TERB2: variants seen among roughly 807,000 people sequenced by gnomAD.
The protein encoded by TERB2 is telomere repeat binding bouquet formation protein 2.
TERB2 carries 26 observed loss-of-function variants against 29.8 expected under a neutral mutation model. The observed-to-expected ratio is 0.87, with a 90% CI of 0.64 to 1.21. The LOEUF (loss-of-function observed/expected upper bound fraction) is 1.21, where lower values mean the gene tolerates loss of function less well. Ranked by LOEUF, TERB2 falls within the 50% of genes most tolerant of loss-of-function variation. The pLI, the probability that TERB2 is intolerant of heterozygous loss-of-function variation, is 0.00. For missense variants in TERB2, 240 were observed against 268.6 expected (o/e 0.89, Z 0.74); for synonymous variants, 80 against 90.8 (o/e 0.88, Z 0.68).
intron 5 of TERB2, among the ~76,000 whole-genome samples, chr15:44,966,683 C>T (rs182739302): frequency 6.6e-6 from 1 of 152,130 alleles, no homozygotes; most frequent in Non-Finnish European, 1.5e-5. Flanking sequence ...ACAAAAGAAT[C>T]TTAAAATATA....
intron 5 of TERB2, among the ~76,000 whole-genome samples, chr15:44,971,661 A>G (rs1016425334): frequency 1.2e-4 from 19 of 152,198 alleles, no homozygotes; most frequent in Non-Finnish European, 2.4e-4. Context: ...AGGCTGAGGC[A>G]GGAAAATGGC....
chr15:44,970,308 A>G (rs1016757811), intron 5 of TERB2: 8 of 259,738 alleles, frequency 3.1e-5, no homozygotes, highest in African/African-American at 1.3e-4. Context: ...AGTATAAAAA[A>G]GAACTTTGCC....
At chr15:44,972,846 A>AT (rs977616866) in intron 5 of TERB2, among the ~76,000 whole-genome samples, 21 of 149,972 alleles carry the variant, frequency 1.4e-4, no homozygotes, top group African/African-American at 4.9e-4. Context: ...AAGAATATAC[A>AT]TTTTTTTAGA....
At chr15:44,958,195 C>A (rs569329758) in intron 2 of TERB2, among the ~76,000 whole-genome samples, 178 bp from the exon 3 acceptor site, 3 of 152,256 alleles carry the variant, frequency 2.0e-5, no homozygotes, top group Admixed American at 2.0e-4. Context: ...CAGATATAGG[C>A]CCCCAGAAAA....
chr15:44,978,588 T>A lies in TERB2; in HGVS notation c.623T>A (p.Ile208Asn), dbSNP rs1892079182. 5 of 1,606,890 alleles carry A rather than the reference T, an allele frequency of 3.1e-6. No homozygotes were observed. In the Admixed American group the frequency reaches 8.5e-5, roughly 27 times the overall value. Residue 208 changes from isoleucine to asparagine, a missense_variant, in exon 7 of 7, where the codon ATT becomes AAT. Coordinates refer to ENST00000340827, the MANE Select transcript of TERB2 (RefSeq NM_152448.3). Reference sequence around the variant, plus strand: ...TTGGCATATCATGTTCAAAATGAAATTAATATGTCTGCTATAAAAAACAAA... The same window carrying A: ...TTGGCATATCATGTTCAAAATGAAAATAATATGTCTGCTATAAAAAACAAA... ...GYLAYHVQNEINMSAIKNKLK... is the reference protein window; with the variant it reads ...GYLAYHVQNENNMSAIKNKLK...
chr15:44,965,401 T>C (rs1891870241), intron 4 of TERB2, among the ~76,000 whole-genome samples: 1 of 145,728 alleles, frequency 6.9e-6, no homozygotes, highest in South Asian at 2.1e-4. Flanking sequence ...CAGCTTTCTT[T>C]ATATTTTTGA....
chr15:44,968,819 C>A (rs1222495563), intron 5 of TERB2, among the ~76,000 whole-genome samples: 2 of 151,934 alleles, frequency 1.3e-5, no homozygotes, highest in Non-Finnish European at 2.9e-5. Context: ...AAAAATAAAT[C>A]TTGCTCTACT....
chr15:44,976,422 C>T (rs1892048290), intron 6 of TERB2, among the ~76,000 whole-genome samples: 1 of 152,118 alleles, frequency 6.6e-6, no homozygotes, highest in African/African-American at 2.4e-5. Flanking sequence ...CAACTCTTCA[C>T]CAAATGGGCC....
At chr15:44,972,390 GTTT>G (rs1168263186) in intron 5 of TERB2, among the ~76,000 whole-genome samples, 1 of 151,900 alleles carries the variant, frequency 6.6e-6, no homozygotes, top group Non-Finnish European at 1.5e-5. Flanking sequence ...AATTATTGAG[GTTT>G]TTATTTTTAT....
intron 4 of TERB2, among the ~76,000 whole-genome samples, chr15:44,963,085 G>GA (rs1265589127): frequency 1.3e-5 from 2 of 152,138 alleles, no homozygotes; most frequent in Non-Finnish European, 2.9e-5. Context: ...AGATAAAATA[G>GA]AAAAATCACC....
Position 44,958,424 on chromosome 15 carries a change from C to G in TERB2, c.198C>G (p.Ala66=), listed in dbSNP as rs1891754153. The change falls in exon 3 of 7, where the codon GCC becomes GCG. Residue 66 remains alanine, a synonymous_variant. Transcript: ENST00000340827. ...AAGATAATGCTACAGTTTTTCATGC[C>G]TACTATCTCTCTGCGGTAGCTAATG... The part of the protein sequence containing the change: ...YIEDNATVFH[A]YYLSAVANAK... 6.2e-7 allele frequency: 1 copy of G among 1,613,930 alleles called. No homozygotes were observed. Among genetic ancestry groups the G allele is most frequent in the Non-Finnish European group, 8.5e-7 (1 of 1,179,984 alleles).
intron 5 of TERB2, chr15:44,970,153 G>A (rs1466606595): frequency 6.4e-6 from 1 of 156,826 alleles, no homozygotes; most frequent in African/African-American, 2.4e-5. Flanking sequence ...AGGAGGGATT[G>A]GGAATACTCA....
At chr15:44,967,187 C>T (rs771228996) in intron 5 of TERB2, among the ~76,000 whole-genome samples, 1 of 152,232 alleles carries the variant, frequency 6.6e-6, no homozygotes, top group Non-Finnish European at 1.5e-5. Flanking sequence ...CTTCTCATTG[C>T]AGGCTTATAC....
In TERB2 at chr15:44,978,567, C is replaced by A. The variant is rs1892078853; in HGVS notation, c.602C>A (p.Ala201Glu). 6.2e-7 allele frequency: 1 copy of A among 1,608,574 alleles called. No individual in the cohort carries two copies. Among genetic ancestry groups the A allele is most frequent in the Admixed American group, 1.7e-5 (1 of 59,586 alleles). ...DFIPGTSGYL[A>E]YHVQNEINMS... ...ATTCCTGGAACCTCAGGATATTTGG[C>A]ATATCATGTTCAAAATGAAATTAAT... Residue 201 changes from alanine (A) to glutamate (E), a missense_variant, in exon 7 of 7, where the codon GCA (alanine) becomes GAA (glutamate). Physicochemically the swap from Ala to Glu is moderately radical, Grantham distance 107. Transcript: ENST00000340827.
chr15:44,969,797 CAA>C lies in TERB2; in HGVS notation c.434+3569_434+3570del, dbSNP rs34634243. Among the ~76,000 whole-genome samples the C allele has an allele frequency of 2.0e-3, 248 of 123,254 alleles. 1 individual carries two copies. Among genetic ancestry groups the C allele is most frequent in the South Asian group, 0.011 (42 of 3,998 alleles). 80.9% of individuals were successfully genotyped at this position (123,254 alleles called of 152,430 possible). On this transcript the variant is annotated intron_variant, in intron 5 of 6. Coordinates refer to ENST00000340827, the MANE Select transcript of TERB2 (RefSeq NM_152448.3). ...AAGGTGAAAGAGTGAGGCCATGTAT[CAA>C]AAAAAAAAAAAAAATTAGTAGCATA...
chr15:44,974,771 TA>T (rs1892020596), intron 6 of TERB2, among the ~76,000 whole-genome samples: 1 of 152,190 alleles, frequency 6.6e-6, no homozygotes, highest in Admixed American at 6.5e-5. Context: ...AAAGCTTATT[TA>T]AAAAATAATT....
intron 3 of TERB2, among the ~76,000 whole-genome samples, chr15:44,958,724 T>A (rs1463599270): frequency 6.6e-6 from 1 of 152,250 alleles, no homozygotes; most frequent in African/African-American, 2.4e-5. Flanking sequence ...ATTCATACAT[T>A]CATTGAGCTC....
chr15:44,971,355 A>C (rs1055167740), intron 5 of TERB2, among the ~76,000 whole-genome samples: 2 of 152,178 alleles, frequency 1.3e-5, no homozygotes, highest in Admixed American at 6.5e-5. Context: ...ATATCTACCC[A>C]TTTGGAATTC....
In TERB2 at chr15:44,978,471, T is replaced by C; in HGVS notation, c.524-18T>C. ...GCGGGTTTTAAGTATATATCTTTTT[T>C]TAAATTTTATTTTGTAGGTTATATA... On this transcript the variant is annotated intron_variant, in intron 6 of 6. Transcript: ENST00000340827. 3 of 1,567,974 alleles carry C rather than the reference T, an allele frequency of 1.9e-6. No homozygotes were observed. The highest frequency in any genetic ancestry group is 2.5e-5 in the South Asian group (2 of 80,506).
Sources: gnomAD v4.1 joint callset for allele counts (sites outside exome capture counted in the v4.1 genomes callset) on GRCh38, gnomAD v4.1.1 for gene constraint, MANE v1.5 for transcripts, NCBI Gene and HGNC (gene_info 2026-07-23, HGNC 2026-07-21) for gene names.